COL5A1: variants seen among roughly 807,000 people sequenced by gnomAD.
COL5A1 encodes collagen alpha-1(V) chain.
In COL5A1, 16 loss-of-function variants were observed where a neutral mutation model predicts 263.7. The observed-to-expected ratio is 0.06, with a 90% CI of 0.04 to 0.09. The LOEUF (loss-of-function observed/expected upper bound fraction) is 0.09, where lower values mean the gene tolerates loss of function less well. COL5A1 is among the 10% of genes least tolerant of loss of function. The pLI, the probability that COL5A1 is intolerant of heterozygous loss-of-function variation, is 1.00. For missense variants in COL5A1, 2,036 were observed against 2,540.5 expected (o/e 0.80, Z 4.27); for synonymous variants, 1,012 against 1,004.5 (o/e 1.01, Z -0.14).
intron 1 of COL5A1, among the ~76,000 whole-genome samples, chr9:134,655,182 G>T (rs921175104): frequency 6.6e-6 from 1 of 151,430 alleles, no homozygotes. Context: ...GCAGGGGTTT[G>T]TAGGGCTGGG....
rs142562789 is a variant in COL5A1 at position 134,832,361 on chromosome 9, G to A, written c.5136+2317G>A. Among the ~76,000 whole-genome samples, 233 of 152,184 alleles carry A rather than the reference G, an allele frequency of 1.5e-3. 1 individual carries two copies. Among genetic ancestry groups the A allele is most frequent in the Middle Eastern group, 6.8e-3 (2 of 294 alleles). On this transcript the variant is annotated intron_variant, in intron 64 of 65. Transcript: ENST00000371817. Reference sequence around the variant, plus strand: ...GCAGAGGTTGCAGTGAGCTGAGATCGCGCCACTGCACTCCATCCTGGGGGA... The same window carrying A: ...GCAGAGGTTGCAGTGAGCTGAGATCACGCCACTGCACTCCATCCTGGGGGA...
intron 18 of COL5A1, among the ~76,000 whole-genome samples, chr9:134,760,651 G>GCACA (rs141467023): frequency 1.7e-5 from 1 of 57,380 alleles, no homozygotes; most frequent in Non-Finnish European, 2.8e-5. Flanking sequence ...ATACACTCAT[G>GCACA]CACACACACA....
In COL5A1 at chr9:134,652,057, T is replaced by C. The variant is rs190048328; in HGVS notation, c.109+9761T>C. On this transcript the variant is annotated intron_variant, in intron 1 of 65. Transcript: ENST00000371817. This position sits in a 1 kb window ranked among gnomAD's most constrained non-coding sequence, Gnocchi z 4.4. ...GGAAAGGAGAAAGTGACACTGACTC[T>C]TCTCAGAGCCTTTGGCTACAGAGTG... Among the ~76,000 whole-genome samples the C allele has an allele frequency of 4.8e-3, 726 of 152,258 alleles. 8 individuals are homozygous for C. Among genetic ancestry groups the C allele is most frequent in the African/African-American group, 0.017 (689 of 41,552 alleles).
At chr9:134,670,499 A>C (rs1415680815) in intron 1 of COL5A1, among the ~76,000 whole-genome samples, 3 of 152,064 alleles carry the variant, frequency 2.0e-5, no homozygotes, top group African/African-American at 7.2e-5. Context: ...CTCTGCTCCT[A>C]GAGAGGCAGT....
intron 29 of COL5A1, among the ~76,000 whole-genome samples, chr9:134,783,221 C>G (rs1588543647): frequency 1.3e-5 from 2 of 152,230 alleles, no homozygotes; most frequent in African/African-American, 4.8e-5. Context: ...GGTCCCCAGA[C>G]AGTTCTTCAG....
intron 37 of COL5A1, 110 bp from the exon 38 acceptor site, chr9:134,801,844 C>T (rs1457790202): frequency 1.0e-6 from 1 of 972,996 alleles, no homozygotes; most frequent in African/African-American, 1.6e-5. Context: ...TCTGGAACAT[C>T]TACTCTGGGG....
chr9:134,679,723 CGGGGCACTGTGGGGCTTCTTAA>C (rs1309280928), intron 1 of COL5A1, among the ~76,000 whole-genome samples: 1 of 54,912 alleles, frequency 1.8e-5, no homozygotes, highest in Non-Finnish European at 3.4e-5. Flanking sequence ...GAGCTGGTTA[CGGGGCACTGTGGGGCTTCTTAA>C]GGGGCACTGT....
At position 134,813,926 on chromosome 9, in the gene COL5A1, G is replaced by A. The variant is rs1356079016; in HGVS notation, c.3853-57G>A. The A allele has an allele frequency of 2.6e-6, 4 of 1,535,246 alleles. No individual in the cohort carries two copies. The African/African-American group carries it at 5.5e-5, about 21-fold the overall frequency. ...GATTTGGCAAATGCTTGAAACCGTA[G>A]CACTGCGTTCATCGCGGTGCTCACC... On this transcript the variant is annotated intron_variant, in intron 48 of 65. Transcript: ENST00000371817.
At chr9:134,666,412 G>A (rs1464634748) in intron 1 of COL5A1, among the ~76,000 whole-genome samples, 1 of 152,176 alleles carries the variant, frequency 6.6e-6, no homozygotes, top group Non-Finnish European at 1.5e-5. Flanking sequence ...AGTGGCTTTT[G>A]GCCTCAGGCG....
chr9:134,644,680 C>G (rs1831419521), intron 1 of COL5A1, among the ~76,000 whole-genome samples: 2 of 152,118 alleles, frequency 1.3e-5, no homozygotes, highest in Admixed American at 1.3e-4. Flanking sequence ...AGTTCTTTTG[C>G]CTGCTTTCTT....
chr9:134,663,179 G>A (rs1832261612), intron 1 of COL5A1, among the ~76,000 whole-genome samples: 1 of 152,270 alleles, frequency 6.6e-6, no homozygotes, highest in South Asian at 2.1e-4. Flanking sequence ...CTATCTGGAA[G>A]GAGGGCCGTG....
intron 61 of COL5A1, 65 bp from the exon 62 acceptor site, chr9:134,824,535 C>G: frequency 6.2e-7 from 1 of 1,603,102 alleles, no homozygotes; most frequent in Non-Finnish European, 8.5e-7. Flanking sequence ...TGTCCCTGCT[C>G]TGCTCATATC....
Position 134,798,335 on chromosome 9 carries a change from C to G in COL5A1, c.2899-73C>G, listed in dbSNP as rs371353192. 2.3e-4 allele frequency: 316 copies of G among 1,374,366 alleles called. 2 individuals carry two copies. In the African/African-American group the frequency reaches 3.5e-3, roughly 15 times the overall value. 85.1% of individuals were successfully genotyped at this position (1,374,366 alleles called of 1,614,324 possible). On this transcript the variant is annotated intron_variant, in intron 36 of 65. Coordinates refer to ENST00000371817, the MANE Select transcript of COL5A1 (RefSeq NM_000093.5). ...AGCCATGGAAATAACGGTCACTCCA[C>G]GTGGCATTAATTCTCAAAGGTGGTT...
chr9:134,841,298 C>T lies in COL5A1; in HGVS notation c.5371-859C>T, dbSNP rs1192392065. 2.0e-5 allele frequency among the ~76,000 whole-genome samples: 3 copies of T among 152,138 alleles called. No homozygotes were observed. The highest frequency in any genetic ancestry group is 6.5e-5 in the Admixed American group (1 of 15,272). The stretch of plus-strand genomic sequence containing the variant: ...GGGCCCTTGTCTTGGGGGAAGTTGA[C>T]GGGACAGCAGGGCCAGCTCAGCCTC... On this transcript the variant is annotated intron_variant, in intron 65 of 65. Transcript: ENST00000371817. The surrounding 1 kb of genome is among the most constrained non-coding windows in gnomAD (Gnocchi z 4.8).
rs13301881 is a variant in COL5A1 at position 134,696,062 on chromosome 9, C to T, written c.278-3847C>T. On this transcript the variant is annotated intron_variant, in intron 2 of 65. Coordinates refer to ENST00000371817, the MANE Select transcript of COL5A1 (RefSeq NM_000093.5). The surrounding 1 kb of genome is among the most constrained non-coding windows in gnomAD (Gnocchi z 4.3). ...CAGGGTCCAGCTGAAACCTCAGCCG[C>T]CCCCCAGGTTCCTGGCCCCCTGTCC... Among the ~76,000 whole-genome samples the T allele has an allele frequency of 6.6e-6, 1 of 152,144 alleles. No homozygotes were observed. The highest frequency in any genetic ancestry group is 6.5e-5 in the Admixed American group (1 of 15,274).
intron 25 of COL5A1, among the ~76,000 whole-genome samples, chr9:134,772,530 T>A (rs12685359): frequency 3.3e-5 from 5 of 152,120 alleles, no homozygotes; most frequent in Admixed American, 2.6e-4. Flanking sequence ...GTCTCTGGCC[T>A]TGGCCGGGGT....
At chr9:134,730,590 G>T in intron 7 of COL5A1, 115 bp downstream of exon 7, 1 of 1,474,828 alleles carries the variant, frequency 6.8e-7, no homozygotes, top group Non-Finnish European at 9.3e-7. Flanking sequence ...GTCCTCGGGT[G>T]GCCCCTGTGT....
At chr9:134,801,194 G>A (rs919933026) in intron 37 of COL5A1, among the ~76,000 whole-genome samples, 1 of 152,222 alleles carries the variant, frequency 6.6e-6, no homozygotes, top group South Asian at 2.1e-4. Flanking sequence ...TAAAAATAAC[G>A]CATCCAAGCT....
chr9:134,731,555 G>A lies in COL5A1; in HGVS notation c.1224G>A (p.Thr408=), dbSNP rs139406076. The change falls in exon 8 of 66, where the codon ACG becomes ACA. Residue 408 remains threonine (T), a synonymous_variant. Coordinates refer to ENST00000371817, the MANE Select transcript of COL5A1 (RefSeq NM_000093.5). ...TGGAGGGGGAGTTCACTGAGGAAACGATCCGGAACCTTGACGAGAACTACT... is the reference window on the plus strand; with the variant it reads ...TGGAGGGGGAGTTCACTGAGGAAACAATCCGGAACCTTGACGAGAACTACT... ...DDLEGEFTEE[T]IRNLDENYYD... 1.2e-4 allele frequency: 196 copies of A among 1,614,218 alleles called. No homozygotes were observed. The highest frequency in any genetic ancestry group is 1.5e-4 in the Non-Finnish European group (182 of 1,180,024).
Sources: gnomAD v4.1 joint callset for allele counts (sites outside exome capture counted in the v4.1 genomes callset) on GRCh38, gnomAD v4.1.1 for gene constraint, Gnocchi (gnomAD v3.1) non-coding constraint, MANE v1.5 for transcripts, NCBI Gene and HGNC (gene_info 2026-07-23, HGNC 2026-07-21) for gene names.